CALCR: variants seen among roughly 807,000 people sequenced by gnomAD.
CALCR encodes calcitonin receptor.
CALCR carries 47 observed loss-of-function variants against 59.5 expected under a neutral mutation model. The ratio of observed to expected loss-of-function variants is 0.79; its 90% confidence interval spans 0.63 to 1.01. The LOEUF (loss-of-function observed/expected upper bound fraction) is 1.01, where lower values mean the gene tolerates loss of function less well. Among genes scored for constraint, CALCR ranks in the 50% least tolerant of loss-of-function variants. The pLI, the probability that CALCR is intolerant of heterozygous loss-of-function variation, is 0.00. For synonymous variants in CALCR, 213 were observed against 211.3 expected, an observed-to-expected ratio of 1.01 and a Z score of -0.07; for missense variants, 566 against 597.1, an observed-to-expected ratio of 0.95 and a Z score of 0.54.
At chr7:93,433,592 A>G in intron 13 of CALCR, among the ~76,000 whole-genome samples, 1 of 152,146 alleles carries the variant, frequency 6.6e-6, no homozygotes, top group Non-Finnish European at 1.5e-5. Flanking sequence ...CATGTTCCCT[A>G]AAACCCTGGA....
At chr7:93,446,738 A>C (rs1800013642) in intron 8 of CALCR, among the ~76,000 whole-genome samples, 1 of 151,954 alleles carries the variant, frequency 6.6e-6, no homozygotes, top group Non-Finnish European at 1.5e-5. Flanking sequence ...ATGGGGTATT[A>C]AGGAAGTCAC....
intron 3 of CALCR, among the ~76,000 whole-genome samples, chr7:93,482,572 T>C (rs1392671265): frequency 1.3e-5 from 2 of 151,812 alleles, no homozygotes; most frequent in Non-Finnish European, 2.9e-5. Context: ...AACCAAGAGA[T>C]TTTCTTGCTC....
rs375143115 is a variant in CALCR, at chr7:93,426,565, A to G, written c.1216T>C (p.Trp406Arg). The change falls in exon 14 of 14, where the codon TGG becomes CGG. Residue 406 changes from tryptophan to arginine, a missense_variant. Trp to Arg is a moderately radical substitution (Grantham distance 101, BLOSUM62 -3). Transcript: ENST00000426151. ...NEVQTTVKRQ[W>R]AQFKIQWNQR... ...TTCCACTGAATTTTGAATTGGGCCC[A>G]TTGGCGCTTCACGGTGGTTTGGACC... 2 of 1,609,052 alleles carry G rather than the reference A, an allele frequency of 1.2e-6. No homozygotes were observed. Among genetic ancestry groups the G allele is most frequent in the Non-Finnish European group, 1.7e-6 (2 of 1,176,352 alleles).
chr7:93,535,138 G>A (rs1419843428), intron 2 of CALCR, among the ~76,000 whole-genome samples: 1 of 151,472 alleles, frequency 6.6e-6, no homozygotes, highest in Non-Finnish European at 1.5e-5. Flanking sequence ...TTCTTCACTT[G>A]AATACTCAGA....
intron 2 of CALCR, among the ~76,000 whole-genome samples, chr7:93,556,679 T>A (rs910844834): frequency 7.9e-5 from 12 of 151,714 alleles, no homozygotes; most frequent in African/African-American, 1.9e-4. Context: ...ATATATATAT[T>A]TTTTCCTGAA....
intron 3 of CALCR, among the ~76,000 whole-genome samples, chr7:93,482,278 T>C (rs1471050110): frequency 1.3e-5 from 2 of 151,862 alleles, no homozygotes; most frequent in Non-Finnish European, 2.9e-5. Flanking sequence ...GCCTTCACAA[T>C]AGAGATATTA....
intron 2 of CALCR, among the ~76,000 whole-genome samples, chr7:93,504,856 T>A (rs1425463659): frequency 6.6e-6 from 1 of 152,128 alleles, no homozygotes; most frequent in Non-Finnish European, 1.5e-5. Flanking sequence ...CCAAGTTCTA[T>A]CTAAAGCAGA....
chr7:93,490,667 G>C (rs1334056613), intron 2 of CALCR, among the ~76,000 whole-genome samples: 3 of 151,704 alleles, frequency 2.0e-5, no homozygotes, highest in African/African-American at 7.3e-5. Flanking sequence ...TCATTACAAA[G>C]AGAATAAAAT....
chr7:93,526,914 C>A (rs944673365), intron 2 of CALCR, among the ~76,000 whole-genome samples: 2 of 152,000 alleles, frequency 1.3e-5, no homozygotes, highest in Non-Finnish European at 2.9e-5. Context: ...TCCATGAATA[C>A]ATGGCATTAA....
At chr7:93,565,110 G>T (rs28477261) in intron 2 of CALCR, among the ~76,000 whole-genome samples, 10,297 of 152,180 alleles carry the variant, frequency 0.068, 1,156 homozygotes, top group African/African-American at 0.23. Context: ...ATATTTTTCT[G>T]CATTTGCTAA....
chr7:93,531,884 A>G (rs1788849416), intron 2 of CALCR, among the ~76,000 whole-genome samples: 1 of 152,126 alleles, frequency 6.6e-6, no homozygotes, highest in Admixed American at 6.6e-5. Flanking sequence ...AATTATCATA[A>G]AGGTTTTTTT....
chr7:93,513,699 G>A (rs928003310), intron 2 of CALCR, among the ~76,000 whole-genome samples: 1 of 151,942 alleles, frequency 6.6e-6, no homozygotes, highest in Non-Finnish European at 1.5e-5. Flanking sequence ...AGATTGTAAT[G>A]CCCCTCTTGC....
chr7:93,469,342 G>A (rs776864521), intron 6 of CALCR, among the ~76,000 whole-genome samples: 1 of 148,824 alleles, frequency 6.7e-6, no homozygotes, highest in Non-Finnish European at 1.5e-5. Flanking sequence ...TTTTTTTCAC[G>A]ATCATGGTTA....
At chr7:93,556,828 T>C (rs1027731299) in intron 2 of CALCR, among the ~76,000 whole-genome samples, 1 of 152,036 alleles carries the variant, frequency 6.6e-6, no homozygotes, top group African/African-American at 2.4e-5. Context: ...ATATCCGTCT[T>C]TGAAATACTA....
intron 2 of CALCR, among the ~76,000 whole-genome samples, chr7:93,525,251 T>C (rs1801852761): frequency 6.6e-6 from 1 of 152,170 alleles, no homozygotes; most frequent in Non-Finnish European, 1.5e-5. Flanking sequence ...TGCAAAAAAA[T>C]GTTAGGAAAC....
intron 2 of CALCR, among the ~76,000 whole-genome samples, chr7:93,525,826 T>C (rs951394557): frequency 6.6e-6 from 1 of 152,188 alleles, no homozygotes; most frequent in Non-Finnish European, 1.5e-5. Flanking sequence ...ATTTGTTTTG[T>C]ATTAAGTTAA....
chr7:93,453,688 T>C (rs980333291), intron 8 of CALCR, among the ~76,000 whole-genome samples: 1 of 151,994 alleles, frequency 6.6e-6, no homozygotes, highest in Non-Finnish European at 1.5e-5. Flanking sequence ...AGATACCATT[T>C]GTAAGTCACT....
chr7:93,436,648 T>A (rs887980338), intron 11 of CALCR, among the ~76,000 whole-genome samples: 1 of 152,210 alleles, frequency 6.6e-6, no homozygotes, highest in Non-Finnish European at 1.5e-5. Context: ...TTTATCAATC[T>A]CTTCCTTAAG....
At chr7:93,433,262 T>C (rs1270720940) in intron 13 of CALCR, among the ~76,000 whole-genome samples, 2 of 152,214 alleles carry the variant, frequency 1.3e-5, no homozygotes, top group Non-Finnish European at 2.9e-5. Context: ...TAATTACTAA[T>C]AGGAAAGTAA....
Sources: gnomAD v4.1 joint callset for allele counts (sites outside exome capture counted in the v4.1 genomes callset) on GRCh38, gnomAD v4.1.1 for gene constraint, MANE v1.5 for transcripts, NCBI Gene and HGNC (gene_info 2026-07-23, HGNC 2026-07-21) for gene names.